The following PSMC6 variants were observed in gnomAD, a reference collection of about 807,000 sequenced individuals.
The protein encoded by PSMC6 is 26S proteasome regulatory subunit 10B.
PSMC6 carries 3 observed loss-of-function variants against 55.9 expected under a neutral mutation model. That is an observed-to-expected ratio of 0.05 (90% CI 0.02 to 0.14). The LOEUF is 0.14. PSMC6 is among the 10% of genes least tolerant of loss of function. PSMC6 has a pLI of 1.00. For synonymous variants in PSMC6, 137 were observed against 155.9 expected (o/e 0.88, Z 0.90); for missense variants, 210 against 478.7 (o/e 0.44, Z 5.24).
intron 9 of PSMC6, chr14:52,718,623 T>G: frequency 5.1e-6 from 2 of 390,642 alleles, no homozygotes; most frequent in Non-Finnish European, 4.7e-6. Flanking sequence ...CTGTCTCTAC[T>G]AAAAATACAA....
intron 7 of PSMC6, among the ~76,000 whole-genome samples, chr14:52,714,882 A>AG: frequency 6.6e-6 from 1 of 151,294 alleles, no homozygotes; most frequent in East Asian, 1.9e-4. Flanking sequence ...AAAAAAAAAA[A>AG]AAAAAATTTT....
chr14:52,710,943 T>C (rs956997766), intron 4 of PSMC6, 158 bp from the exon 5 acceptor site: 6 of 695,844 alleles, frequency 8.6e-6, no homozygotes, highest in East Asian at 2.8e-5. Flanking sequence ...GAATTACTTA[T>C]TTTATAAGCC....
At position 52,719,029 on chromosome 14, in the gene PSMC6, G is replaced by A. The variant is rs769310892; in HGVS notation, c.768G>A (p.Thr256=). 4.3e-6 allele frequency: 7 copies of A among 1,610,000 alleles called. No individual in the cohort carries two copies. Among genetic ancestry groups the A allele is most frequent in the East Asian group, 2.2e-5 (1 of 44,856 alleles). Residue 256 remains threonine (T), a synonymous_variant, in exon 10 of 14, where the codon ACG becomes ACA. Coordinates refer to ENST00000445930, the MANE Select transcript of PSMC6 (RefSeq NM_002806.5). ...CAGCTGACAGAGAGATTCAGAGAAC[G>A]TTAATGGAGGTAATATTTGGTAAAG... ...GTSADREIQR[T]LMELLNQMDG...
At chr14:52,714,318 G>T (rs1288456440) in intron 7 of PSMC6, among the ~76,000 whole-genome samples, 1 of 152,194 alleles carries the variant, frequency 6.6e-6, no homozygotes, top group Non-Finnish European at 1.5e-5. Flanking sequence ...GGGATTACAA[G>T]CATAAACCAC....
At chr14:52,719,277 G>A (rs1199127164) in intron 10 of PSMC6, among the ~76,000 whole-genome samples, 1 of 152,080 alleles carries the variant, frequency 6.6e-6, no homozygotes, top group African/African-American at 2.4e-5. Flanking sequence ...GTTTTTTTGA[G>A]TAGATCAGTC....
At position 52,718,119 on chromosome 14, in the gene PSMC6, C is replaced by T; in HGVS notation, c.568C>T (p.Gln190Ter). Reference sequence around the variant, plus strand: ...ACTCTTGGCACGAGCCGTTGCTAGCCAGCTGGACTGCAATTTCTTAAAGGT... The same window carrying T: ...ACTCTTGGCACGAGCCGTTGCTAGCTAGCTGGACTGCAATTTCTTAAAGGT... ...KTLLARAVAS[Q>*]LDCNFLKVVS... The change falls in exon 8 of 14, where the codon CAG (glutamine) becomes TAG (stop). Residue 190 changes from glutamine (Q) to a stop codon, truncating the protein, a stop_gained. Transcript: ENST00000445930. LOFTEE classifies it high-confidence loss of function. 6.2e-7 allele frequency: 1 copy of T among 1,613,588 alleles called. No homozygotes were observed. Among genetic ancestry groups the T allele is most frequent in the Non-Finnish European group, 8.5e-7 (1 of 1,179,890 alleles).
chr14:52,723,849 C>G (rs1342486818), intron 12 of PSMC6, 116 bp from the exon 13 acceptor site: 2 of 1,476,834 alleles, frequency 1.4e-6, no homozygotes, highest in Non-Finnish European at 1.8e-6. Context: ...GTTAACAGAG[C>G]TGATGTCTAG....
At position 52,727,514 on chromosome 14, in the gene PSMC6, G is replaced by A. The variant is rs764914580; in HGVS notation, c.1067G>A (p.Arg356His). The A allele has an allele frequency of 3.1e-6, 5 of 1,611,256 alleles. No homozygotes were observed. Among genetic ancestry groups the A allele is most frequent in the East Asian group, 2.2e-5 (1 of 44,804 alleles). ...TTCTCTACAGGTATGTTCGCAATTC[G>A]TGCTGATCATGATTTTGTAGTACAG... ...VCTEAGMFAI[R>H]ADHDFVVQED... Residue 356 changes from arginine to histidine, a missense_variant, in exon 14 of 14, where the codon CGT (arginine) becomes CAT (histidine). This residue lies in a region of PSMC6 where 79 missense variants were observed against 158.7 expected (regional missense o/e 0.50). Coordinates refer to ENST00000445930, the MANE Select transcript of PSMC6 (RefSeq NM_002806.5).
intron 12 of PSMC6, chr14:52,723,613 G>A: frequency 4.8e-6 from 1 of 209,804 alleles, no homozygotes; most frequent in Non-Finnish European, 9.4e-6. Flanking sequence ...AGTGTTATAG[G>A]TTTATTCAAA....
At chr14:52,713,747 C>T in intron 6 of PSMC6, 134 bp from the exon 7 acceptor site, 1 of 498,066 alleles carries the variant, frequency 2.0e-6, no homozygotes, top group Non-Finnish European at 3.5e-6. Context: ...AATGGTTTTA[C>T]CTAGCATGGA....
At chr14:52,709,779 G>A in intron 4 of PSMC6, 1 of 224,940 alleles carries the variant, frequency 4.4e-6, no homozygotes, top group African/African-American at 2.4e-5. Context: ...TGTACTGGTT[G>A]AGCATCCCTA....
At chr14:52,724,306 A>C (rs1880319175) in intron 13 of PSMC6, among the ~76,000 whole-genome samples, 1 of 152,228 alleles carries the variant, frequency 6.6e-6, no homozygotes, top group Admixed American at 6.5e-5. Context: ...AGGATCACCC[A>C]GCTGAAAGTT....
At chr14:52,719,221 A>G (rs1422095141) in intron 10 of PSMC6, among the ~76,000 whole-genome samples, 183 bp downstream of exon 10, 2 of 152,244 alleles carry the variant, frequency 1.3e-5, no homozygotes, top group Non-Finnish European at 2.9e-5. Flanking sequence ...CTGGAAAATA[A>G]GGCTATCTGC....
At position 52,708,367 on chromosome 14, in the gene PSMC6, G is replaced by A; in HGVS notation, c.144G>A (p.Lys48=). The part of the protein sequence containing the change: ...KQYEKSENDL[K]ALQSVGQIVG... ...ATGAAAAGTCTGAAAATGATCTGAA[G>A]GCCCTACAGAGTGTTGGGCAGGTAG... Residue 48 remains lysine, a synonymous_variant, in exon 2 of 14, where the codon AAG becomes AAA. Coordinates refer to ENST00000445930, the MANE Select transcript of PSMC6 (RefSeq NM_002806.5). 1 of 1,613,530 alleles carries A rather than the reference G, an allele frequency of 6.2e-7. No individual in the cohort carries two copies.
chr14:52,714,193 A>G (rs953122245), intron 7 of PSMC6, among the ~76,000 whole-genome samples: 3 of 152,124 alleles, frequency 2.0e-5, no homozygotes, highest in Admixed American at 6.5e-5. Flanking sequence ...GGCGTGCATC[A>G]CCATGTCTGG....
At chr14:52,722,806 A>G (rs1880253986) in intron 12 of PSMC6, 1 of 152,178 alleles carries the variant, frequency 6.6e-6, no homozygotes, top group South Asian at 2.1e-4. Context: ...TCTGTTGTCT[A>G]TGGCTGCTTT....
chr14:52,713,741 G>T, intron 6 of PSMC6, 140 bp from the exon 7 acceptor site: 1 of 481,200 alleles, frequency 2.1e-6, no homozygotes, highest in South Asian at 4.1e-5. Context: ...AATATAAATG[G>T]TTTTACCTAG....
chr14:52,722,289 A>G (rs1430303438), intron 12 of PSMC6: 1 of 151,810 alleles, frequency 6.6e-6, no homozygotes, highest in Non-Finnish European at 1.5e-5. Flanking sequence ...AGTTCTACAG[A>G]GGGGGCAGAA....
chr14:52,717,985 G>T, intron 7 of PSMC6, 96 bp from the exon 8 acceptor site: 2 of 1,149,730 alleles, frequency 1.7e-6, no homozygotes, highest in Non-Finnish European at 2.6e-6. Flanking sequence ...CTGTGATCTC[G>T]CCACACTCCA....
Sources: gnomAD v4.1 joint callset for allele counts (sites outside exome capture counted in the v4.1 genomes callset) on GRCh38, gnomAD v4.1.1 for gene constraint, gnomAD v4.1.1 regional missense constraint, MANE v1.5 for transcripts, NCBI Gene and HGNC (gene_info 2026-07-23, HGNC 2026-07-21) for gene names.